The following EFCAB3 variants were observed in gnomAD, a reference collection of about 807,000 sequenced individuals.
EFCAB3 encodes the protein EF-hand calcium-binding domain-containing protein 3.
EFCAB3 carries 36 observed loss-of-function variants against 42.2 expected under a neutral mutation model. The ratio of observed to expected loss-of-function variants is 0.85; its 90% CI spans 0.65 to 1.13. EFCAB3 has a LOEUF of 1.13. Ranked by LOEUF, EFCAB3 falls within the 50% of genes most tolerant of loss-of-function variation. The probability of loss-of-function intolerance (pLI) is 0.00; values close to 1 mark genes in which losing one functional copy is unlikely to be tolerated. For synonymous variants in EFCAB3, 170 were observed against 172.8 expected (o/e 0.98, Z 0.13); for missense variants, 418 against 505.1 (o/e 0.83, Z 1.65).
chr17:62,385,948 C>G (rs1470353234), intron 2 of EFCAB3, among the ~76,000 whole-genome samples: 2 of 150,788 alleles, frequency 1.3e-5, no homozygotes, highest in Non-Finnish European at 3.0e-5. Context: ...AGGATGGTCT[C>G]GATCTCCTGA....
At chr17:62,392,023 T>C in intron 4 of EFCAB3, 58 bp downstream of exon 4, 1 of 1,526,828 alleles carries the variant, frequency 6.5e-7, no homozygotes, top group Non-Finnish European at 8.8e-7. Context: ...AATATATAGT[T>C]TTCTTTTAAT....
At chr17:62,383,335 A>G (rs758244423) in intron 2 of EFCAB3, among the ~76,000 whole-genome samples, 1 of 152,044 alleles carries the variant, frequency 6.6e-6, no homozygotes, top group Non-Finnish European at 1.5e-5. Context: ...TTAGCCAGGC[A>G]TGGTGGTGTG....
At position 62,373,824 on chromosome 17, in the gene EFCAB3, G is replaced by C. The variant is rs6504103; in HGVS notation, c.45G>C (p.Lys15Asn). 3.5e-3 allele frequency: 5,306 copies of C among 1,511,846 alleles called. 171 individuals are homozygous for C. The African/African-American group carries it at 0.065, about 19-fold the overall frequency. 93.7% of individuals were successfully genotyped at this position (1,511,846 alleles called of 1,614,324 possible). ...CAAAATGTTTTACAGGAAATGGAAA[G>C]ATTAATGTTAATTCAATAATGGAGG... is the stretch of plus-strand genomic sequence containing the variant. The change falls in exon 2 of 12, where the codon AAG becomes AAC. Residue 15 changes from lysine to asparagine, a missense_variant. Lys to Asn is a moderately conservative substitution (Grantham distance 94, BLOSUM62 0). Coordinates refer to the EFCAB3 transcript ENST00000450662.
At chr17:62,394,669 T>C (rs1165103719) in intron 5 of EFCAB3, among the ~76,000 whole-genome samples, 1 of 152,206 alleles carries the variant, frequency 6.6e-6, no homozygotes, top group Non-Finnish European at 1.5e-5. Flanking sequence ...TTCCAAATAC[T>C]GTATACAGTT....
At position 62,405,252 on chromosome 17, in the gene EFCAB3, T is replaced by C. The variant is rs557872481; in HGVS notation, c.489-1228T>C. 5.9e-5 allele frequency among the ~76,000 whole-genome samples: 9 copies of C among 152,300 alleles called. No homozygotes were observed. In the South Asian group the frequency reaches 1.7e-3, roughly 28 times the overall value. On this transcript the variant is annotated intron_variant, in intron 6 of 9. Coordinates refer to ENST00000305286, the MANE Select transcript of EFCAB3 (RefSeq NM_173503.4). The stretch of plus-strand genomic sequence containing the variant: ...CATTGTGGATGGTTGAGTTCAAGGC[T>C]AGGGAAGAAAGTATCTGATCATAAG...
Position 62,416,195 on chromosome 17 carries a change from A to G in EFCAB3, c.1183A>G (p.Arg395Gly), listed in dbSNP as rs775462383. Residue 395 changes from arginine (R) to glycine (G), a missense_variant, in exon 10 of 10, where the codon AGG becomes GGG. Physicochemically the swap from Arg to Gly is moderately radical, Grantham distance 125 (BLOSUM62 -2). Coordinates refer to ENST00000305286, the MANE Select transcript of EFCAB3 (RefSeq NM_173503.4). ...CQELLSPKDL[R>G]LYDAYVNRNS... ...AGAATTACTTTCTCCTAAGGACTTA[A>G]GGTTATATGATGCCTATGTGAATAG... 6 of 1,613,960 alleles carry G rather than the reference A, an allele frequency of 3.7e-6. No homozygotes were observed. The highest frequency in any genetic ancestry group is 5.1e-6 in the Non-Finnish European group (6 of 1,179,832).
At chr17:62,380,076 A>G (rs2070183475), upstream of EFCAB3, among the ~76,000 whole-genome samples, 1 of 152,178 alleles carries the variant, frequency 6.6e-6, no homozygotes, top group East Asian at 1.9e-4. Context: ...ATCTCAGTTC[A>G]CTGCAACCTC....
chr17:62,412,303 G>C (rs1332608755), intron 8 of EFCAB3, among the ~76,000 whole-genome samples: 11 of 145,582 alleles, frequency 7.6e-5, no homozygotes, highest in Non-Finnish European at 1.2e-4. Context: ...TTGAACCCGG[G>C]AGGCAAAGGT....
rs76145079 is a variant in EFCAB3 at position 62,383,504 on chromosome 17, T to C, written c.74+451T>C. 9.7e-3 allele frequency among the ~76,000 whole-genome samples: 1,471 copies of C among 152,174 alleles called. 27 individuals are homozygous for C. The highest frequency in any genetic ancestry group is 0.034 in the African/African-American group (1,405 of 41,520). ...AAATTACTAATATATTAAATGCTCA[T>C]AAAGATTATGATGAAACAATTAAAA... On this transcript the variant is annotated intron_variant, in intron 2 of 9. Transcript: ENST00000305286.
At chr17:62,393,970 T>C (rs1329359215) in intron 5 of EFCAB3, among the ~76,000 whole-genome samples, 3 of 152,010 alleles carry the variant, frequency 2.0e-5, no homozygotes, top group African/African-American at 4.8e-5. Flanking sequence ...TTTTTTTTTT[T>C]TTGAGACGGA....
intron 6 of EFCAB3, among the ~76,000 whole-genome samples, chr17:62,402,653 G>C (rs2070414058): frequency 6.6e-6 from 1 of 152,126 alleles, no homozygotes; most frequent in Admixed American, 6.6e-5. Flanking sequence ...CTTGATCATG[G>C]TGCATAAGCT....
At chr17:62,382,889 G>A in intron 1 of EFCAB3, 74 bp from the exon 2 acceptor site, 1 of 1,315,018 alleles carries the variant, frequency 7.6e-7, no homozygotes, top group Non-Finnish European at 1.0e-6. Context: ...CAGGCTTTGA[G>A]CTGAAAAAGT....
chr17:62,411,850 AAGGAAAG>A (rs1361904389), intron 8 of EFCAB3, among the ~76,000 whole-genome samples: 13 of 97,220 alleles, frequency 1.3e-4, no homozygotes, highest in Non-Finnish European at 2.9e-4. Flanking sequence ...GAAAGGAAGG[AAGGAAAG>A]AAGGAAGGAA....
At chr17:62,370,278 CAGA>C (rs1567717783) in exon 1 of EFCAB3, 2 of 1,551,614 alleles carry the variant, frequency 1.3e-6, no homozygotes, top group Non-Finnish European at 1.7e-6. Context: ...ATTGAGCTCA[CAGA>C]AGAAGAAATG....
intron 5 of EFCAB3, 96 bp downstream of exon 5, chr17:62,393,740 G>A: frequency 2.8e-6 from 3 of 1,053,518 alleles, no homozygotes; most frequent in East Asian, 2.4e-5. Context: ...AGACAGGTCA[G>A]GAAGGTGTAG....
intron 2 of EFCAB3, among the ~76,000 whole-genome samples, chr17:62,386,275 T>C (rs2070250128): frequency 6.6e-6 from 1 of 152,188 alleles, no homozygotes; most frequent in Non-Finnish European, 1.5e-5. Flanking sequence ...TTACTTCAGA[T>C]CTGTACAAAG....
At chr17:62,394,528 C>T (rs902673198) in intron 5 of EFCAB3, among the ~76,000 whole-genome samples, 13 of 152,082 alleles carry the variant, frequency 8.5e-5, no homozygotes, top group African/African-American at 3.1e-4. Flanking sequence ...ATTTCTCCCC[C>T]AAGGTTATAA....
intron 1 of EFCAB3, chr17:62,381,940 C>T: frequency 3.2e-6 from 1 of 310,842 alleles, no homozygotes. Flanking sequence ...CCCGCTGCAG[C>T]AGAGGAGAAG....
At chr17:62,409,034 C>T (rs2070472091) in intron 8 of EFCAB3, among the ~76,000 whole-genome samples, 1 of 152,166 alleles carries the variant, frequency 6.6e-6, no homozygotes, top group Non-Finnish European at 1.5e-5. Flanking sequence ...TCACATGGTT[C>T]ATTTTATGTT....
Sources: allele counts gnomAD v4.1 joint callset (sites outside exome capture counted in the v4.1 genomes callset), GRCh38; gene constraint gnomAD v4.1.1; transcripts MANE v1.5; gene names NCBI Gene and HGNC (gene_info 2026-07-23, HGNC 2026-07-21).